KDM4C: variants seen among roughly 807,000 people sequenced by gnomAD.
KDM4C encodes the protein lysine demethylase 4C.
Under a neutral mutation model 129.3 loss-of-function variants are expected in KDM4C, and 81 were observed. The observed-to-expected ratio is 0.63, with a 90% confidence interval of 0.52 to 0.75. The LOEUF (loss-of-function observed/expected upper bound fraction) is 0.75, where lower values mean the gene tolerates loss of function less well. KDM4C is among the 30% of genes least tolerant of loss of function. The pLI is 0.00. For synonymous variants in KDM4C, 573 were observed against 456.1 expected (o/e 1.26, Z -3.26); for missense variants, 1,457 against 1,304.0 (o/e 1.12, Z -1.81).
At chr9:6,823,597 C>G (rs1226943582) in intron 4 of KDM4C, among the ~76,000 whole-genome samples, 1 of 152,222 alleles carries the variant, frequency 6.6e-6, no homozygotes, top group Non-Finnish European at 1.5e-5. Context: ...TTCACTGAAT[C>G]ACGTTGCTCC....
intron 18 of KDM4C, among the ~76,000 whole-genome samples, chr9:7,107,679 T>A (rs1837849108): frequency 6.6e-6 from 1 of 152,258 alleles, no homozygotes; most frequent in Non-Finnish European, 1.5e-5. Flanking sequence ...TTAAGTTGTA[T>A]TCATAGCTTT....
intron 1 of KDM4C, among the ~76,000 whole-genome samples, chr9:6,745,162 T>C (rs925140822): frequency 6.6e-6 from 1 of 152,144 alleles, no homozygotes; most frequent in African/African-American, 2.4e-5. Context: ...CATCTCAGGA[T>C]TGAGAGTCAA....
intron 15 of KDM4C, among the ~76,000 whole-genome samples, chr9:7,019,767 A>ATTTTT (rs1563993450): frequency 8.1e-6 from 1 of 122,850 alleles, no homozygotes; most frequent in African/African-American, 3.3e-5. Context: ...ATAAAAATAT[A>ATTTTT]ATATTTTTAT....
At chr9:6,859,320 C>T (rs542415868) in intron 5 of KDM4C, among the ~76,000 whole-genome samples, 12 of 151,390 alleles carry the variant, frequency 7.9e-5, no homozygotes, top group African/African-American at 2.7e-4. Flanking sequence ...TGCTAAAACA[C>T]AAAAATTAGT....
intron 2 of KDM4C, among the ~76,000 whole-genome samples, chr9:6,800,098 T>G (rs1828649945): frequency 6.6e-6 from 1 of 151,824 alleles, no homozygotes; most frequent in Non-Finnish European, 1.5e-5. Flanking sequence ...CCAGGCACAG[T>G]GACTCACGCC....
At chr9:6,837,772 T>C (rs1007155985) in intron 4 of KDM4C, among the ~76,000 whole-genome samples, 32 of 152,226 alleles carry the variant, frequency 2.1e-4, no homozygotes, top group African/African-American at 7.5e-4. Flanking sequence ...TTGTGGCTAT[T>C]CTTTTCACTA....
At chr9:6,874,078 A>G (rs1043580475) in intron 5 of KDM4C, among the ~76,000 whole-genome samples, 1 of 152,186 alleles carries the variant, frequency 6.6e-6, no homozygotes, top group Non-Finnish European at 1.5e-5. Context: ...GGCAACATCA[A>G]AGGTCACTGA....
intron 19 of KDM4C, among the ~76,000 whole-genome samples, chr9:7,130,556 G>C (rs933232011): frequency 6.6e-6 from 1 of 152,124 alleles, no homozygotes; most frequent in Admixed American, 6.5e-5. Context: ...AAATCAATGA[G>C]AATGAAAAAG....
chr9:6,929,759 G>A (rs1298017643), intron 8 of KDM4C, among the ~76,000 whole-genome samples: 1 of 152,046 alleles, frequency 6.6e-6, no homozygotes, highest in Non-Finnish European at 1.5e-5. Flanking sequence ...AAGCAGAAAG[G>A]ATACTTTTGT....
At position 6,940,072 on chromosome 9, in the gene KDM4C, T is replaced by C. The variant is rs921272624; in HGVS notation, c.922-40853T>C. ...CTCCTTCCCTCCTTCCCTCCTTCTC[T>C]CTCTCTCTTTCTTTCCTTCTTTTCT... On this transcript the variant is annotated intron_variant, in intron 8 of 21. Transcript: ENST00000381309. Among the ~76,000 whole-genome samples, 15 of 83,764 alleles carry C rather than the reference T, an allele frequency of 1.8e-4. No homozygotes were observed. The East Asian group carries it at 4.1e-3, about 23-fold the overall frequency. The allele number at this position is 83,764 out of a possible 152,430, so 55.0% of individuals were successfully genotyped here. A position where few individuals can be genotyped will look rare whatever the true frequency, so the allele number is the denominator to read the frequency against.
intron 15 of KDM4C, among the ~76,000 whole-genome samples, chr9:7,039,527 C>T (rs1828205220): frequency 6.6e-6 from 1 of 151,756 alleles, no homozygotes; most frequent in Admixed American, 6.6e-5. Context: ...AGGTGCTGAC[C>T]CCCAGTTCAG....
intron 18 of KDM4C, chr9:7,105,515 T>TC: frequency 2.1e-6 from 1 of 467,914 alleles, no homozygotes. Flanking sequence ...GTAGTGTTTT[T>TC]CCTGTTTCGA....
chr9:6,878,026 G>T (rs1444199323), intron 5 of KDM4C, among the ~76,000 whole-genome samples: 2 of 152,288 alleles, frequency 1.3e-5, no homozygotes, highest in African/African-American at 4.8e-5. Flanking sequence ...ATTTCACAGG[G>T]ATAAGCATGG....
At chr9:6,786,195 AT>A (rs1825456097) in intron 1 of KDM4C, among the ~76,000 whole-genome samples, 1 of 152,206 alleles carries the variant, frequency 6.6e-6, no homozygotes, top group Non-Finnish European at 1.5e-5. Flanking sequence ...AGAGTATTAC[AT>A]TTGGCCGGAA....
chr9:6,913,152 C>G (rs1198690489), intron 8 of KDM4C, among the ~76,000 whole-genome samples: 1 of 152,144 alleles, frequency 6.6e-6, no homozygotes, highest in South Asian at 2.1e-4. Context: ...AAATAAAGCA[C>G]TAGTACTTAT....
intron 4 of KDM4C, among the ~76,000 whole-genome samples, chr9:6,845,902 T>C (rs542288635): frequency 6.6e-6 from 1 of 152,338 alleles, no homozygotes; most frequent in East Asian, 1.9e-4. Context: ...GCCTTTCTGC[T>C]GAAACCTGAT....
chr9:7,076,042 C>T (rs955725773), intron 17 of KDM4C, among the ~76,000 whole-genome samples: 2 of 152,168 alleles, frequency 1.3e-5, no homozygotes, highest in African/African-American at 4.8e-5. Flanking sequence ...GAGCCTTGCA[C>T]TGAGTGCTGT....
intron 15 of KDM4C, among the ~76,000 whole-genome samples, chr9:7,041,954 C>T (rs542846489): frequency 6.6e-6 from 1 of 152,132 alleles, no homozygotes; most frequent in Non-Finnish European, 1.5e-5. Context: ...ACTTCTATTT[C>T]TTGCTTTTTG....
At chr9:7,069,122 A>G (rs1014768190) in intron 17 of KDM4C, among the ~76,000 whole-genome samples, 1 of 152,196 alleles carries the variant, frequency 6.6e-6, no homozygotes, top group African/African-American at 2.4e-5. Flanking sequence ...AAGATTCAGC[A>G]TAGAGTACTC....
Sources: allele counts gnomAD v4.1 joint callset (sites outside exome capture counted in the v4.1 genomes callset), GRCh38; gene constraint gnomAD v4.1.1; transcripts MANE v1.5; gene names NCBI Gene and HGNC (gene_info 2026-07-23, HGNC 2026-07-21).